The following EXOC3 variants were observed in gnomAD, a reference collection of about 807,000 sequenced individuals.
EXOC3 encodes the protein exocyst complex component 3.
A neutral mutation model predicts 73.7 loss-of-function variants in EXOC3; 21 were observed. That is an observed-to-expected ratio of 0.29 (90% CI 0.20 to 0.41). EXOC3 has a LOEUF of 0.41. EXOC3 is among the 10% of genes least tolerant of loss of function. The pLI, the probability that EXOC3 is intolerant of heterozygous loss-of-function variation, is 1.00. For synonymous variants in EXOC3, 410 were observed against 389.1 expected (o/e 1.05, Z -0.63); for missense variants, 842 against 985.1 (o/e 0.85, Z 1.95).
At position 462,485 on chromosome 5, in the gene EXOC3, T is replaced by C. The variant is rs191886263; in HGVS notation, c.1653+178T>C. On this transcript the variant is annotated intron_variant, in intron 9 of 12. Transcript: ENST00000512944. Reference sequence around the variant, plus strand: ...CTCCGTTTTCGGTGACGCTGCTTCGTATGATGCAGGGTCCTTCTTACGCAC... The same window carrying C: ...CTCCGTTTTCGGTGACGCTGCTTCGCATGATGCAGGGTCCTTCTTACGCAC... The C allele has an allele frequency of 9.7e-4, 608 of 628,270 alleles. 30 individuals are homozygous for C. The highest frequency in any genetic ancestry group is 9.0e-3 in the East Asian group (332 of 37,048). The allele number at this position is 628,270 out of a possible 1,614,324, so 38.9% of individuals were successfully genotyped here.
chr5:451,529 C>T (rs1326671441), intron 3 of EXOC3, among the ~76,000 whole-genome samples: 1 of 152,020 alleles, frequency 6.6e-6, no homozygotes, highest in African/African-American at 2.4e-5. Flanking sequence ...TTATTTGTCC[C>T]TTTTAACCAG....
chr5:445,353 C>CT (rs11452170), intron 1 of EXOC3, among the ~76,000 whole-genome samples: 117,628 of 139,610 alleles, frequency 0.84, 49,893 homozygotes, highest in Non-Finnish European at 0.87. Context: ...CTTTTTTTTT[C>CT]TTTTTTTTTT....
rs1579737553 is a variant in EXOC3 at position 454,048 on chromosome 5, C to G, written c.1043C>G (p.Thr348Arg). ...TTGACGTGGGTCTTAAACACCTACA[C>G]AAGGTAAAGCTAACCTGGCGCCTGT... Reference protein sequence around the residue: ...SLLTWVLNTYTSTEMMRNVEL... With the variant: ...SLLTWVLNTYRSTEMMRNVEL... Residue 348 changes from threonine to arginine, a missense_variant, in exon 4 of 13, where the codon ACA (threonine) becomes AGA (arginine). Physicochemically the swap from Thr to Arg is moderately conservative, Grantham distance 71. Coordinates refer to ENST00000512944, the MANE Select transcript of EXOC3 (RefSeq NM_007277.5). 3 of 1,596,670 alleles carry G rather than the reference C, an allele frequency of 1.9e-6. No individual in the cohort carries two copies. The highest frequency in any genetic ancestry group is 1.7e-6 in the Non-Finnish European group (2 of 1,171,542).
intron 3 of EXOC3, among the ~76,000 whole-genome samples, chr5:452,239 C>T (rs1232777801): frequency 6.6e-6 from 1 of 152,144 alleles, no homozygotes; most frequent in East Asian, 1.9e-4. Flanking sequence ...TCTTTCTGTT[C>T]CGGATACTTG....
chr5:460,374 ATCCCACTTATTGGTGAGTGTGCC>A (rs1289515314), intron 7 of EXOC3, among the ~76,000 whole-genome samples: 1 of 152,136 alleles, frequency 6.6e-6, no homozygotes, highest in Non-Finnish European at 1.5e-5. Context: ...GCAGGCTTGG[ATCCCACTTATTGGTGAGTGTGCC>A]TTCCACGATG....
chr5:454,147 G>T (rs1737736862), intron 4 of EXOC3, 96 bp downstream of exon 4: 8 of 1,055,354 alleles, frequency 7.6e-6, no homozygotes, highest in African/African-American at 1.6e-5. Context: ...TCAGGGTGTT[G>T]CTCTGGGCAG....
In EXOC3 at chr5:464,352, C is replaced by G; in HGVS notation, c.1716C>G (p.Ile572Met). 1 of 1,613,584 alleles carries G rather than the reference C, an allele frequency of 6.2e-7. No homozygotes were observed. Among genetic ancestry groups the G allele is most frequent in the Non-Finnish European group, 8.5e-7 (1 of 1,179,484 alleles). ...WLLGSNAVDI[I>M]CVTVEDYFND... is the part of the protein sequence containing the mutation. ...TAGGGTCAAACGCTGTAGACATTAT[C>G]TGTGTCACCGTGGAAGACTATTTCA... The change falls in exon 10 of 13, where the codon ATC becomes ATG. Residue 572 changes from isoleucine (I) to methionine (M), a missense_variant. By Grantham distance (10) the Ile-to-Met change is conservative (BLOSUM62 1). Transcript: ENST00000512944.
chr5:465,108 C>T lies in EXOC3; in HGVS notation c.1777-3C>T. 6.4e-7 allele frequency: 1 copy of T among 1,569,672 alleles called. No individual in the cohort carries two copies. Among genetic ancestry groups the T allele is most frequent in the Non-Finnish European group, 8.6e-7 (1 of 1,159,854 alleles). On this transcript the variant is annotated splice_polypyrimidine_tract_variant and splice_region_variant and intron_variant, in intron 10 of 12. Transcript: ENST00000512944. ...CTGCCGCTGACCGCGCGTGTCTCCC[C>T]AGAGGATGACGGCCGAGGCGCACCG...
At chr5:465,535 T>C (rs1482644312) in intron 11 of EXOC3, among the ~76,000 whole-genome samples, 183 bp from the exon 12 acceptor site, 1 of 152,240 alleles carries the variant, frequency 6.6e-6, no homozygotes, top group East Asian at 1.9e-4. Flanking sequence ...AGGTGCTGGC[T>C]GCCTCCCACG....
At chr5:461,701 A>G (rs1737991014) in intron 7 of EXOC3, 2 of 466,906 alleles carry the variant, frequency 4.3e-6, no homozygotes, top group Non-Finnish European at 7.7e-6. Flanking sequence ...TCCTGGGCTC[A>G]GGTGGTCTCC....
Position 453,731 on chromosome 5 carries a change from G to T in EXOC3, c.726G>T (p.Lys242Asn), listed in dbSNP as rs750231808. ...GCTTTGTTCCTCCTGGGAGGCCCAA[G>T]AATTGGAAGGAGAAAATGTTCACCA... is the stretch of plus-strand genomic sequence containing the variant. ...QTGFVPPGRP[K>N]NWKEKMFTIL... Residue 242 changes from lysine (K) to asparagine (N), a missense_variant, in exon 4 of 13, where the codon AAG (lysine) becomes AAT (asparagine). Physicochemically the swap from Lys to Asn is moderately conservative, Grantham distance 94 (BLOSUM62 0). Coordinates refer to ENST00000512944, the MANE Select transcript of EXOC3 (RefSeq NM_007277.5). The T allele has an allele frequency of 3.7e-6, 6 of 1,613,846 alleles. No individual in the cohort carries two copies. Among genetic ancestry groups the T allele is most frequent in the Non-Finnish European group, 5.1e-6 (6 of 1,179,912 alleles).
At chr5:444,243 T>G (rs1324139471) in intron 1 of EXOC3, among the ~76,000 whole-genome samples, 3 of 152,254 alleles carry the variant, frequency 2.0e-5, no homozygotes, top group Non-Finnish European at 2.9e-5. Flanking sequence ...CCTCTTTGGC[T>G]TCTGTGACCC....
intron 10 of EXOC3, chr5:464,789 T>C (rs1738090053): frequency 2.2e-6 from 1 of 454,828 alleles, no homozygotes. Flanking sequence ...TTCCAGATGC[T>C]GCGGTCGTTA....
At chr5:450,622 G>C (rs1737635052) in intron 3 of EXOC3, among the ~76,000 whole-genome samples, 1 of 152,190 alleles carries the variant, frequency 6.6e-6, no homozygotes, top group Non-Finnish European at 1.5e-5. Flanking sequence ...TATTGAGAGA[G>C]AGATATTGAA....
chr5:445,875 G>C (rs774876044), intron 1 of EXOC3, among the ~76,000 whole-genome samples: 1 of 152,158 alleles, frequency 6.6e-6, no homozygotes, highest in Non-Finnish European at 1.5e-5. Context: ...CTACATGCTG[G>C]GTGGTCTGGG....
chr5:461,849 G>C (rs1003965656), intron 7 of EXOC3, 111 bp from the exon 8 acceptor site: 1 of 695,694 alleles, frequency 1.4e-6, no homozygotes, highest in Non-Finnish European at 2.6e-6. Context: ...AGGCTCATCC[G>C]GTCAGATGTT....
chr5:465,769 G>A lies in EXOC3; in HGVS notation c.1990G>A (p.Glu664Lys), dbSNP rs1051569391. Residue 664 changes from glutamate (E) to lysine (K), a missense_variant, in exon 12 of 13, where the codon GAA becomes AAA. Physicochemically the swap from Glu to Lys is moderately conservative, Grantham distance 56. Coordinates refer to ENST00000512944, the MANE Select transcript of EXOC3 (RefSeq NM_007277.5). ...CTGCGACACCATCGTGGCTGTGGCC[G>A]AAGTGATCAAGCTGACAGACCCTTC... is the stretch of plus-strand genomic sequence containing the variant. Reference protein sequence around the residue: ...GYCDTIVAVAEVIKLTDPSLL... With the variant: ...GYCDTIVAVAKVIKLTDPSLL... The A allele has an allele frequency of 1.2e-6, 2 of 1,613,714 alleles. No individual in the cohort carries two copies. Among genetic ancestry groups the A allele is most frequent in the Non-Finnish European group, 1.7e-6 (2 of 1,179,830 alleles).
chr5:457,670 T>C, intron 5 of EXOC3: 1 of 459,090 alleles, frequency 2.2e-6, no homozygotes. Context: ...CTTCTCCCTC[T>C]TTATCTGTAC....
At position 446,273 on chromosome 5, in the gene EXOC3, C is replaced by T. The variant is rs780468930; in HGVS notation, c.68C>T (p.Pro23Leu). The stretch of plus-strand genomic sequence containing the variant: ...AGGGTTGCTGGGATGCTCCAGCGCC[C>T]GGACCAGCTGGACAAGGTGGAGCAG... ...VQRVAGMLQR[P>L]DQLDKVEQYR... Residue 23 changes from proline (P) to leucine (L), a missense_variant, in exon 2 of 13, where the codon CCG becomes CTG. Physicochemically the swap from Pro to Leu is moderately conservative, Grantham distance 98. Transcript: ENST00000512944. 19 of 1,613,742 alleles carry T rather than the reference C, an allele frequency of 1.2e-5. No homozygotes were observed. Among genetic ancestry groups the T allele is most frequent in the African/African-American group, 2.7e-5 (2 of 74,922 alleles).
Sources: allele counts gnomAD v4.1 joint callset (sites outside exome capture counted in the v4.1 genomes callset), GRCh38; gene constraint gnomAD v4.1.1; transcripts MANE v1.5; gene names NCBI Gene and HGNC (gene_info 2026-07-23, HGNC 2026-07-21).